SH3PXD2B: variants seen among roughly 807,000 people sequenced by gnomAD.
SH3PXD2B encodes SH3 and PX domains 2B.
Under a neutral mutation model 73.1 loss-of-function variants are expected in SH3PXD2B, and 37 were observed. The observed-to-expected ratio is 0.51, with a 90% CI of 0.39 to 0.67. The LOEUF (loss-of-function observed/expected upper bound fraction) is 0.67, where lower values mean the gene tolerates loss of function less well. SH3PXD2B is among the 30% of genes least tolerant of loss of function. The pLI is 0.00. For synonymous variants in SH3PXD2B, 457 were observed against 480.5 expected (o/e 0.95, Z 0.64); for missense variants, 1,053 against 1,197.8 (o/e 0.88, Z 1.78).
chr5:172,387,214 T>C (rs142605119), intron 4 of SH3PXD2B, among the ~76,000 whole-genome samples: 5 of 152,318 alleles, frequency 3.3e-5, no homozygotes, highest in African/African-American at 1.2e-4. Flanking sequence ...TATGTTTGCA[T>C]GTGTGTTCCA....
Position 172,336,455 on chromosome 5 carries a change from C to T in SH3PXD2B, c.*1914G>A, listed in dbSNP as rs1328855120. 8 of 985,970 alleles carry T rather than the reference C, an allele frequency of 8.1e-6. No individual in the cohort carries two copies. The highest frequency in any genetic ancestry group is 8.4e-6 in the Non-Finnish European group (7 of 830,024). The allele number at this position is 985,970 out of a possible 1,614,324, so 61.1% of individuals were successfully genotyped here. A position where few individuals can be genotyped will look rare whatever the true frequency, so the allele number is the denominator to read the frequency against. ...TCTCTGGGAAATGGGATTTGCAGGC[C>T]GACTGGACGAAGGCACTAAAGATGC... On this transcript the variant is annotated 3_prime_UTR_variant, in exon 13 of 13. Coordinates refer to ENST00000311601, the MANE Select transcript of SH3PXD2B (RefSeq NM_001017995.3).
chr5:172,374,204 T>C (rs1757772896), intron 5 of SH3PXD2B, among the ~76,000 whole-genome samples: 1 of 152,040 alleles, frequency 6.6e-6, no homozygotes, highest in Non-Finnish European at 1.5e-5. Flanking sequence ...GCCATAGACA[T>C]GGGGCAGAAA....
At chr5:172,343,434 T>C (rs1321792998) in intron 12 of SH3PXD2B, among the ~76,000 whole-genome samples, 2 of 152,218 alleles carry the variant, frequency 1.3e-5, no homozygotes, top group African/African-American at 4.8e-5. Flanking sequence ...TGAACATGTG[T>C]GTTCTGAACC....
At chr5:172,330,647 T>C (rs1399390045), downstream of SH3PXD2B, among the ~76,000 whole-genome samples, 2 of 152,256 alleles carry the variant, frequency 1.3e-5, no homozygotes, top group Non-Finnish European at 2.9e-5. Context: ...TCCAAATTCC[T>C]ATCGACATTT....
At chr5:172,341,681 C>T (rs978123584) in intron 12 of SH3PXD2B, among the ~76,000 whole-genome samples, 2 of 152,136 alleles carry the variant, frequency 1.3e-5, no homozygotes, top group African/African-American at 2.4e-5. Flanking sequence ...GACAGAGTCT[C>T]GCTCTGTTGC....
intron 1 of SH3PXD2B, among the ~76,000 whole-genome samples, chr5:172,427,642 T>C (rs1237299909): frequency 6.6e-6 from 1 of 152,140 alleles, no homozygotes; most frequent in Non-Finnish European, 1.5e-5. Context: ...TGAGCCACCA[T>C]GCCTGGCTGG....
intron 1 of SH3PXD2B, 115 bp downstream of exon 1, chr5:172,454,163 G>C: frequency 1.4e-6 from 1 of 726,808 alleles, no homozygotes; most frequent in Non-Finnish European, 2.1e-6. Context: ...CGAGGGGAGA[G>C]CAGGGGAGGA....
At chr5:172,347,131 G>C (rs1171879514) in intron 11 of SH3PXD2B, 152 bp downstream of exon 11, 4 of 769,834 alleles carry the variant, frequency 5.2e-6, no homozygotes, top group Non-Finnish European at 8.6e-6. Flanking sequence ...CCTGCGAGTG[G>C]GACTAGCATT....
intron 4 of SH3PXD2B, among the ~76,000 whole-genome samples, chr5:172,392,927 A>C (rs1758222098): frequency 6.6e-6 from 1 of 152,228 alleles, no homozygotes; most frequent in Admixed American, 6.5e-5. Flanking sequence ...GCTGATCTAC[A>C]TGCCTATTTT....
In SH3PXD2B at chr5:172,351,762, C is replaced by T. The variant is rs1581268098; in HGVS notation, c.786-1173G>A. On this transcript the variant is annotated intron_variant, in intron 9 of 12. Transcript: ENST00000311601. ...AAGAATTAATTTAAGAACTAAATAGCATTGGGTTTTAATGCAAAAAAAAAA... is the reference window on the plus strand; with the variant it reads ...AAGAATTAATTTAAGAACTAAATAGTATTGGGTTTTAATGCAAAAAAAAAA... Among the ~76,000 whole-genome samples the T allele has an allele frequency of 6.1e-5, 9 of 147,474 alleles. No individual in the cohort carries two copies. The South Asian group carries it at 1.9e-3, about 32-fold the overall frequency.
chr5:172,334,208 C>T lies in SH3PXD2B; in HGVS notation c.*4161G>A. 1 of 1,095,696 alleles carries T rather than the reference C, an allele frequency of 9.1e-7. No individual in the cohort carries two copies. The highest frequency in any genetic ancestry group is 1.1e-6 in the Non-Finnish European group (1 of 899,520). 67.9% of individuals were successfully genotyped at this position (1,095,696 alleles called of 1,614,324 possible). A position where few individuals can be genotyped will look rare whatever the true frequency, so the allele number is the denominator to read the frequency against. Reference sequence around the variant, plus strand: ...CAGAATAGCACCAGAAACCAGATGCCACCCCACGGAGCTGGGCAGTCCAGT... The same window carrying T: ...CAGAATAGCACCAGAAACCAGATGCTACCCCACGGAGCTGGGCAGTCCAGT... On this transcript the variant is annotated 3_prime_UTR_variant, in exon 13 of 13. Coordinates refer to ENST00000311601, the MANE Select transcript of SH3PXD2B (RefSeq NM_001017995.3).
At chr5:172,347,159 A>C in intron 11 of SH3PXD2B, 124 bp downstream of exon 11, 1 of 952,008 alleles carries the variant, frequency 1.1e-6, no homozygotes, top group East Asian at 2.5e-5. Context: ...CCTGCTTCAC[A>C]AGGCTGTTGT....
intron 3 of SH3PXD2B, among the ~76,000 whole-genome samples, chr5:172,401,037 C>A (rs2113415380): frequency 6.6e-6 from 1 of 152,368 alleles, no homozygotes; most frequent in Non-Finnish European, 1.5e-5. Flanking sequence ...TCAATCTATT[C>A]AAACGGCTCA....
intron 1 of SH3PXD2B, among the ~76,000 whole-genome samples, chr5:172,429,738 G>A (rs1050664296): frequency 2.0e-5 from 3 of 152,164 alleles, no homozygotes; most frequent in Admixed American, 1.3e-4. Flanking sequence ...CACTTCCCAT[G>A]TTTTCCCAGC....
chr5:172,418,474 C>T (rs544242164), intron 2 of SH3PXD2B, among the ~76,000 whole-genome samples: 5 of 152,320 alleles, frequency 3.3e-5, no homozygotes, highest in East Asian at 3.9e-4. Flanking sequence ...CACCAAGGCT[C>T]GGCTCTCCCC....
chr5:172,342,185 A>G (rs1756867363), intron 12 of SH3PXD2B, among the ~76,000 whole-genome samples: 1 of 152,176 alleles, frequency 6.6e-6, no homozygotes, highest in Non-Finnish European at 1.5e-5. Flanking sequence ...ACTGTGAGAC[A>G]ATAAACTGCA....
rs147942353 is a variant in SH3PXD2B at position 172,363,980 on chromosome 5, C to T, written c.428-1111G>A. Among the ~76,000 whole-genome samples the T allele has an allele frequency of 6.2e-3, 949 of 152,136 alleles. 13 individuals carry two copies. Among genetic ancestry groups the T allele is most frequent in the African/African-American group, 0.022 (897 of 41,488 alleles). On this transcript the variant is annotated intron_variant, in intron 6 of 12. Transcript: ENST00000311601. The stretch of plus-strand genomic sequence containing the variant: ...AGACATGAAGATGTCAAGGAAGAGG[C>T]GAAGGTGGCCTGAACCAGGGCAGTG...
At chr5:172,387,805 C>G (rs537978125) in intron 4 of SH3PXD2B, among the ~76,000 whole-genome samples, 12 of 152,254 alleles carry the variant, frequency 7.9e-5, no homozygotes, top group African/African-American at 2.9e-4. Flanking sequence ...TTAATGTATT[C>G]AAATAAACCA....
In SH3PXD2B at chr5:172,445,695, C is replaced by T. The variant is rs908674982; in HGVS notation, c.75+8583G>A. Reference sequence around the variant, plus strand: ...TGAAACCGAAATTGAACTGGGCATTCTGCATTTTCATTTGCTAACTCTGGC... The same window carrying T: ...TGAAACCGAAATTGAACTGGGCATTTTGCATTTTCATTTGCTAACTCTGGC... On this transcript the variant is annotated intron_variant, in intron 1 of 12. Transcript: ENST00000311601. The surrounding 1 kb of genome is among the most constrained non-coding windows in gnomAD (Gnocchi z 5.2). 1.3e-5 allele frequency among the ~76,000 whole-genome samples: 2 copies of T among 152,222 alleles called. No homozygotes were observed. The highest frequency in any genetic ancestry group is 2.9e-5 in the Non-Finnish European group (2 of 68,032).
Sources: gnomAD v4.1 joint callset for allele counts (sites outside exome capture counted in the v4.1 genomes callset) on GRCh38, gnomAD v4.1.1 for gene constraint, Gnocchi (gnomAD v3.1) non-coding constraint, MANE v1.5 for transcripts, NCBI Gene and HGNC (gene_info 2026-07-23, HGNC 2026-07-21) for gene names.